TACR3: variants seen among roughly 807,000 people sequenced by gnomAD.
TACR3 encodes the protein tachykinin receptor 3.
Under a neutral mutation model 35.0 loss-of-function variants are expected in TACR3, and 34 were observed. That is an observed-to-expected ratio of 0.97 (90% CI 0.74 to 1.30). The LOEUF (loss-of-function observed/expected upper bound fraction) is 1.30. TACR3 is among the 50% of genes most tolerant of loss of function. TACR3 has a pLI of 0.00. For missense variants in TACR3, 558 were observed against 591.7 expected (o/e 0.94, Z 0.59); for synonymous variants, 233 against 221.1 (o/e 1.05, Z -0.48).
intron 1 of TACR3, among the ~76,000 whole-genome samples, chr4:103,690,838 C>T (rs1297189500): frequency 6.6e-6 from 1 of 152,036 alleles, no homozygotes; most frequent in Admixed American, 6.6e-5. Context: ...TATATTTAAC[C>T]ATTCTACAGG....
At chr4:103,638,762 A>T (rs59410997) in intron 3 of TACR3, among the ~76,000 whole-genome samples, 4,292 of 152,236 alleles carry the variant, frequency 0.028, 221 homozygotes, top group African/African-American at 0.097. Flanking sequence ...AAACAACCCC[A>T]TCAAAAAGTG....
intron 3 of TACR3, among the ~76,000 whole-genome samples, chr4:103,631,059 C>T (rs1218172114): frequency 6.6e-6 from 1 of 152,106 alleles, no homozygotes; most frequent in Admixed American, 6.6e-5. Flanking sequence ...CCATCATTCT[C>T]AGCAAACTAT....
rs374006164 is a variant in TACR3, at chr4:103,623,995, T to C, written c.888+32199A>G. Among the ~76,000 whole-genome samples, 20 of 152,280 alleles carry C rather than the reference T, an allele frequency of 1.3e-4. No homozygotes were observed. In the East Asian group the frequency reaches 3.1e-3, roughly 23 times the overall value. On this transcript the variant is annotated intron_variant, in intron 3 of 4. Transcript: ENST00000304883. ...CTAGGTTAACTGTGGCATATCAACC[T>C]TTCACTATCACTCATCAGTTTTTAA...
intron 1 of TACR3, among the ~76,000 whole-genome samples, chr4:103,716,914 T>C (rs1218493072): frequency 7.2e-5 from 11 of 152,176 alleles, no homozygotes; most frequent in African/African-American, 2.4e-4. Context: ...AATGAGTCAG[T>C]AAGTCCATGC....
At chr4:103,700,040 T>A (rs1722613314) in intron 1 of TACR3, among the ~76,000 whole-genome samples, 1 of 152,180 alleles carries the variant, frequency 6.6e-6, no homozygotes, top group African/African-American at 2.4e-5. Flanking sequence ...ACTTACAAGG[T>A]ACTTGAGAAA....
chr4:103,646,459 T>C (rs1009367089), intron 3 of TACR3, among the ~76,000 whole-genome samples: 2 of 152,060 alleles, frequency 1.3e-5, no homozygotes, highest in Non-Finnish European at 2.9e-5. Flanking sequence ...ATTTTATAAT[T>C]ATAATCATTT....
At chr4:103,650,717 A>AT (rs1333243602) in intron 3 of TACR3, among the ~76,000 whole-genome samples, 12 of 51,424 alleles carry the variant, frequency 2.3e-4, no homozygotes, top group African/African-American at 2.3e-3. Flanking sequence ...ATAAATATAT[A>AT]TAAATAAATA....
intron 3 of TACR3, among the ~76,000 whole-genome samples, chr4:103,655,656 C>T (rs1210244402): frequency 6.6e-6 from 1 of 151,978 alleles, no homozygotes; most frequent in East Asian, 1.9e-4. Context: ...ATACAATCCT[C>T]ATCCTTTAAT....
chr4:103,611,025 G>A (rs1724501788), intron 3 of TACR3, among the ~76,000 whole-genome samples: 2 of 151,932 alleles, frequency 1.3e-5, no homozygotes, highest in Admixed American at 6.6e-5. Context: ...CACTATTTTT[G>A]TTTTTAGTAT....
At chr4:103,648,076 G>C (rs1725498692) in intron 3 of TACR3, among the ~76,000 whole-genome samples, 1 of 151,912 alleles carries the variant, frequency 6.6e-6, no homozygotes, top group Non-Finnish European at 1.5e-5. Flanking sequence ...AAGGTCTTCT[G>C]CTCGTGACTA....
chr4:103,700,783 G>A (rs965084621), intron 1 of TACR3, among the ~76,000 whole-genome samples: 3 of 152,138 alleles, frequency 2.0e-5, no homozygotes, highest in Non-Finnish European at 2.9e-5. Flanking sequence ...CGTATAAACA[G>A]AACCAACGAC....
chr4:103,601,570 G>A (rs558446220), intron 3 of TACR3, among the ~76,000 whole-genome samples: 1 of 152,212 alleles, frequency 6.6e-6, no homozygotes, highest in East Asian at 1.9e-4. Context: ...AGCTCTTTTA[G>A]GGCAGGCCTG....
chr4:103,627,664 A>G (rs986873867), intron 3 of TACR3, among the ~76,000 whole-genome samples: 1 of 152,148 alleles, frequency 6.6e-6, no homozygotes, highest in African/African-American at 2.4e-5. Flanking sequence ...GAGACCTACA[A>G]AGAGACTTAG....
intron 3 of TACR3, among the ~76,000 whole-genome samples, chr4:103,622,152 C>T (rs990110811): frequency 1.3e-5 from 2 of 152,070 alleles, no homozygotes; most frequent in Non-Finnish European, 2.9e-5. Flanking sequence ...TGAATACATC[C>T]AATGAATTTA....
chr4:103,657,768 T>G (rs1255608682), intron 2 of TACR3, among the ~76,000 whole-genome samples: 1 of 152,034 alleles, frequency 6.6e-6, no homozygotes, highest in Non-Finnish European at 1.5e-5. Flanking sequence ...TTTGCTTGTC[T>G]AGAGACAAGC....
At chr4:103,652,979 T>C (rs1474123645) in intron 3 of TACR3, among the ~76,000 whole-genome samples, 1 of 152,160 alleles carries the variant, frequency 6.6e-6, no homozygotes, top group South Asian at 2.1e-4. Flanking sequence ...AAGGGCCAGC[T>C]ATATTTTAAA....
chr4:103,645,512 CA>C (rs1041170563), intron 3 of TACR3, among the ~76,000 whole-genome samples: 8 of 151,896 alleles, frequency 5.3e-5, no homozygotes, highest in Admixed American at 4.6e-4. Flanking sequence ...AATTAATGCA[CA>C]AAAAACTATA....
intron 3 of TACR3, among the ~76,000 whole-genome samples, chr4:103,607,198 A>AAC (rs147369878): frequency 0.03 from 4,605 of 152,232 alleles, 214 homozygotes; most frequent in African/African-American, 0.11. Flanking sequence ...TATCTTTTGT[A>AAC]ACAGATATGC....
At chr4:103,618,504 C>T (rs1034266058) in intron 3 of TACR3, among the ~76,000 whole-genome samples, 12 of 140,964 alleles carry the variant, frequency 8.5e-5, no homozygotes, top group Admixed American at 2.9e-4. Flanking sequence ...AGTTTGAAGT[C>T]GGGTGGTATG....
Sources: gnomAD v4.1 joint callset for allele counts (sites outside exome capture counted in the v4.1 genomes callset) on GRCh38, gnomAD v4.1.1 for gene constraint, MANE v1.5 for transcripts, NCBI Gene and HGNC (gene_info 2026-07-23, HGNC 2026-07-21) for gene names.